Variants in SCFD2 observed in about 807,000 individuals in gnomAD.
The protein encoded by SCFD2 is sec1 family domain containing 2, also known as sec1 family domain-containing protein 2.
SCFD2 carries 54 observed loss-of-function variants against 58.9 expected under a neutral mutation model. The ratio of observed to expected loss-of-function variants is 0.92; its 90% CI spans 0.74 to 1.15. SCFD2 has a LOEUF of 1.15. SCFD2 is among the 50% of genes most tolerant of loss of function. SCFD2 has a pLI of 0.00. For missense variants in SCFD2, 805 were observed against 836.6 expected (o/e 0.96, Z 0.47); for synonymous variants, 321 against 335.9 (o/e 0.96, Z 0.49).
intron 4 of SCFD2, among the ~76,000 whole-genome samples, chr4:53,154,290 G>A (rs1238443677): frequency 6.6e-6 from 1 of 152,208 alleles, no homozygotes; most frequent in African/African-American, 2.4e-5. Context: ...TCAGCTTCTG[G>A]TAAGGTCTCA....
At chr4:53,020,717 G>A (rs550559883) in intron 5 of SCFD2, among the ~76,000 whole-genome samples, 1 of 152,122 alleles carries the variant, frequency 6.6e-6, no homozygotes, top group Non-Finnish European at 1.5e-5. Flanking sequence ...GTGACTGACC[G>A]AGGGTACAAA....
rs554669694 is a variant in SCFD2, at chr4:53,017,103, G to A, written c.1562-96233C>T. ...AGCCTGGGCAACAGAGCGAGACTCCGTCTCACACACACACACACACACAAA... is the reference window on the plus strand; with the variant it reads ...AGCCTGGGCAACAGAGCGAGACTCCATCTCACACACACACACACACACAAA... On this transcript the variant is annotated intron_variant, in intron 5 of 8. Transcript: ENST00000401642. Among the ~76,000 whole-genome samples the A allele has an allele frequency of 2.4e-4, 34 of 140,694 alleles. No homozygotes were observed. In the East Asian group the frequency reaches 4.3e-3, roughly 18 times the overall value. 92.3% of individuals were successfully genotyped at this position (140,694 alleles called of 152,430 possible). A position where few individuals can be genotyped will look rare whatever the true frequency, so the allele number is the denominator to read the frequency against.
intron 7 of SCFD2, among the ~76,000 whole-genome samples, chr4:52,900,731 C>G (rs1419627423): frequency 6.6e-6 from 1 of 152,200 alleles, no homozygotes; most frequent in South Asian, 2.1e-4. Context: ...TGTGCCCTGC[C>G]CCCAGAGGTG....
intron 4 of SCFD2, among the ~76,000 whole-genome samples, chr4:53,160,154 A>T (rs920265478): frequency 2.0e-5 from 3 of 152,242 alleles, no homozygotes; most frequent in Admixed American, 2.0e-4. Flanking sequence ...GACAAGGCAG[A>T]GAAGGGGCCA....
At chr4:53,327,492 G>GT (rs1463884779) in intron 2 of SCFD2, among the ~76,000 whole-genome samples, 2 of 152,176 alleles carry the variant, frequency 1.3e-5, no homozygotes, top group South Asian at 4.1e-4. Context: ...ACTGAGAAGG[G>GT]TGAAGAGGAC....
At chr4:53,044,840 TC>T (rs1237755420) in intron 5 of SCFD2, among the ~76,000 whole-genome samples, 10 of 150,836 alleles carry the variant, frequency 6.6e-5, no homozygotes, top group Non-Finnish European at 1.2e-4. Context: ...TTTTTTTTTT[TC>T]CTTTTTGTCT....
At chr4:53,316,455 G>C (rs759882357) in intron 2 of SCFD2, among the ~76,000 whole-genome samples, 1 of 152,102 alleles carries the variant, frequency 6.6e-6, no homozygotes, top group Non-Finnish European at 1.5e-5. Flanking sequence ...GATTGTTGTA[G>C]GATTAAATAA....
chr4:53,345,872 T>C (rs1198622712), intron 2 of SCFD2, among the ~76,000 whole-genome samples: 1 of 152,070 alleles, frequency 6.6e-6, no homozygotes, highest in East Asian at 1.9e-4. Context: ...CCACATGTTT[T>C]CACTCATAGG....
At chr4:52,985,496 TG>T (rs1721468058) in intron 5 of SCFD2, among the ~76,000 whole-genome samples, 2 of 152,052 alleles carry the variant, frequency 1.3e-5, no homozygotes, top group Admixed American at 1.3e-4. Context: ...TTTGTATCTT[TG>T]GGGATTTTGG....
intron 4 of SCFD2, among the ~76,000 whole-genome samples, chr4:53,242,016 A>G (rs1042002708): frequency 8.5e-5 from 13 of 152,236 alleles, no homozygotes; most frequent in African/African-American, 2.9e-4. Flanking sequence ...CAATTGCTGG[A>G]CAGGGGCTCC....
At chr4:53,146,559 G>T (rs1454600375) in intron 4 of SCFD2, among the ~76,000 whole-genome samples, 1 of 152,066 alleles carries the variant, frequency 6.6e-6, no homozygotes, top group African/African-American at 2.4e-5. Flanking sequence ...CACTAGTCTA[G>T]GTATACAGCA....
chr4:52,888,932 T>C (rs1718817302), intron 7 of SCFD2, among the ~76,000 whole-genome samples: 3 of 152,216 alleles, frequency 2.0e-5, no homozygotes, highest in Admixed American at 2.0e-4. Context: ...CTGGGATTTC[T>C]GAACTCAACA....
chr4:53,342,422 T>C (rs1405415937), intron 2 of SCFD2, among the ~76,000 whole-genome samples: 3 of 152,136 alleles, frequency 2.0e-5, no homozygotes, highest in Admixed American at 1.3e-4. Context: ...CCTAAATATA[T>C]ATGCACCCAA....
intron 4 of SCFD2, among the ~76,000 whole-genome samples, chr4:53,271,321 A>G (rs541336029): frequency 3.6e-4 from 55 of 152,010 alleles, no homozygotes; most frequent in Non-Finnish European, 5.7e-4. Context: ...ACACGCACAC[A>G]CACACACACA....
At chr4:52,953,570 G>A (rs376104484) in intron 5 of SCFD2, among the ~76,000 whole-genome samples, 19 of 152,190 alleles carry the variant, frequency 1.2e-4, no homozygotes, top group South Asian at 2.1e-4. Context: ...CTTTAGCAGC[G>A]CCCTGTGAAT....
At chr4:53,255,777 C>T (rs1047873812) in intron 4 of SCFD2, among the ~76,000 whole-genome samples, 5 of 151,760 alleles carry the variant, frequency 3.3e-5, no homozygotes, top group African/African-American at 9.7e-5. Flanking sequence ...CCTCACTTCC[C>T]AGTAGGGGCG....
At position 53,316,835 on chromosome 4, in the gene SCFD2, C is replaced by T. The variant is rs951111755; in HGVS notation, c.1008-3072G>A. Among the ~76,000 whole-genome samples, 8 of 152,130 alleles carry T rather than the reference C, an allele frequency of 5.3e-5. No homozygotes were observed. In the East Asian group the frequency reaches 5.8e-4, roughly 11 times the overall value. ...CTGATATAAACAATTCTGGGCCGGG[C>T]GCAGTGGCTCACACCTGTAATTCCA... On this transcript the variant is annotated intron_variant, in intron 2 of 8. Coordinates refer to ENST00000401642, the MANE Select transcript of SCFD2 (RefSeq NM_152540.4).
At chr4:53,348,113 G>T (rs945551576) in intron 2 of SCFD2, among the ~76,000 whole-genome samples, 2 of 152,174 alleles carry the variant, frequency 1.3e-5, no homozygotes, top group Admixed American at 6.5e-5. Flanking sequence ...GGACTGGAAG[G>T]CCATGTTAAA....
intron 5 of SCFD2, among the ~76,000 whole-genome samples, chr4:53,073,736 A>T (rs1560323993): frequency 6.6e-6 from 1 of 151,848 alleles, no homozygotes; most frequent in African/African-American, 2.4e-5. Context: ...AGTTGCATGA[A>T]TTTTTTTTGA....
Sources: allele counts gnomAD v4.1 joint callset (sites outside exome capture counted in the v4.1 genomes callset), GRCh38; gene constraint gnomAD v4.1.1; transcripts MANE v1.5; gene names NCBI Gene and HGNC (gene_info 2026-07-23, HGNC 2026-07-21).